Variants in LDLRAD4 observed in about 807,000 individuals in gnomAD.
LDLRAD4 encodes the protein low density lipoprotein receptor class A domain containing 4.
In LDLRAD4, 5 loss-of-function variants were observed where a neutral mutation model predicts 17.0. The ratio of observed to expected loss-of-function variants is 0.29; its 90% CI spans 0.15 to 0.62. The LOEUF (loss-of-function observed/expected upper bound fraction) is 0.62, where lower values mean the gene tolerates loss of function less well. LDLRAD4 is among the 20% of genes least tolerant of loss of function. The pLI is 0.84. For synonymous variants in LDLRAD4, 168 were observed against 171.8 expected, an observed-to-expected ratio of 0.98 and a Z score of 0.17; for missense variants, 340 against 424.7, an observed-to-expected ratio of 0.80 and a Z score of 1.75.
chr18:13,432,263 C>A (rs2090394466), intron 2 of LDLRAD4, among the ~76,000 whole-genome samples: 1 of 152,212 alleles, frequency 6.6e-6, no homozygotes, highest in East Asian at 1.9e-4. Flanking sequence ...ACTCTCAAAG[C>A]TTTATCTTCA....
At chr18:13,419,541 T>G (rs1324338521) in intron 2 of LDLRAD4, 1 of 152,188 alleles carries the variant, frequency 6.6e-6, no homozygotes, top group Non-Finnish European at 1.5e-5. Flanking sequence ...TTAATTTTAT[T>G]GTTAAAATAT....
intron 2 of LDLRAD4, among the ~76,000 whole-genome samples, chr18:13,389,983 GT>G (rs71366049): frequency 0.019 from 2,755 of 147,748 alleles, 79 homozygotes; most frequent in African/African-American, 0.068. Context: ...CCCAGCTCAC[GT>G]TTTTTTTTAT....
At chr18:13,490,986 G>T (rs2093346674) in intron 3 of LDLRAD4, among the ~76,000 whole-genome samples, 1 of 152,216 alleles carries the variant, frequency 6.6e-6, no homozygotes, top group Non-Finnish European at 1.5e-5. Context: ...TAACCTCAGA[G>T]TGAATCACTG....
rs949010112 is a variant in LDLRAD4, at chr18:13,307,757, C to T, written c.-383+29569C>T. 2.4e-4 allele frequency among the ~76,000 whole-genome samples: 37 copies of T among 152,142 alleles called. 1 individual carries two copies. Among genetic ancestry groups the T allele is most frequent in the Non-Finnish European group, 4.4e-5 (3 of 68,034 alleles). ...ATAACATTTTCTTTTCTGTAGTATACTGTATTATAAGAATACTGTAAGTAT... is the reference window on the plus strand; with the variant it reads ...ATAACATTTTCTTTTCTGTAGTATATTGTATTATAAGAATACTGTAAGTAT... On this transcript the variant is annotated intron_variant, in intron 1 of 5. Coordinates refer to ENST00000359446, the Ensembl canonical transcript of LDLRAD4.
In LDLRAD4 at chr18:13,564,719, G is replaced by C. The variant is rs139769007; in HGVS notation, c.182-56398G>C. 9.8e-3 allele frequency among the ~76,000 whole-genome samples: 1,485 copies of C among 152,220 alleles called. 25 individuals carry two copies. Among genetic ancestry groups the C allele is most frequent in the East Asian group, 0.032 (165 of 5,180 alleles). The stretch of plus-strand genomic sequence containing the variant: ...GCTGCCGCCCCCCTTCCTCCTGGCG[G>C]GGCCGTGAGTCTGGAAACCATTTCC... On this transcript the variant is annotated intron_variant, in intron 3 of 5. Transcript: ENST00000359446.
intron 3 of LDLRAD4, chr18:13,515,742 G>A (rs144903151): frequency 1.8e-4 from 28 of 152,324 alleles, no homozygotes; most frequent in African/African-American, 6.0e-4. Context: ...GATCACTACT[G>A]CTTGAGGTAT....
At chr18:13,238,396 C>T (rs769145459) in intron 1 of LDLRAD4, among the ~76,000 whole-genome samples, 6 of 152,196 alleles carry the variant, frequency 3.9e-5, no homozygotes, top group East Asian at 1.9e-4. Context: ...GCCTGTGCCA[C>T]GCAATATTTT....
chr18:13,454,669 C>T (rs145737295), intron 3 of LDLRAD4, among the ~76,000 whole-genome samples: 166 of 152,348 alleles, frequency 1.1e-3, no homozygotes, highest in African/African-American at 3.7e-3. Context: ...CAGGACATGC[C>T]TGGCCCGGGA....
intron 3 of LDLRAD4, among the ~76,000 whole-genome samples, chr18:13,565,560 G>A (rs537797853): frequency 6.6e-6 from 1 of 152,380 alleles, no homozygotes; most frequent in African/African-American, 2.4e-5. Context: ...CCGTCCTGGC[G>A]CTTGTCTTGG....
intron 3 of LDLRAD4, among the ~76,000 whole-genome samples, chr18:13,480,812 G>T (rs1019363032): frequency 6.6e-6 from 1 of 152,228 alleles, no homozygotes; most frequent in Non-Finnish European, 1.5e-5. Flanking sequence ...GATGACAAAT[G>T]TTAGAAATAA....
At chr18:13,285,320 G>A (rs2045558374) in intron 1 of LDLRAD4, among the ~76,000 whole-genome samples, 1 of 152,188 alleles carries the variant, frequency 6.6e-6, no homozygotes, top group African/African-American at 2.4e-5. Flanking sequence ...CACAAGGTGT[G>A]TGGTTCATTT....
chr18:13,455,919 G>A (rs1383836071), intron 3 of LDLRAD4, among the ~76,000 whole-genome samples: 1 of 152,158 alleles, frequency 6.6e-6, no homozygotes, highest in East Asian at 1.9e-4. Flanking sequence ...TTTACTCAGA[G>A]CCCCAGCTTC....
rs1306461258 is a variant in LDLRAD4, at chr18:13,621,099, TCTC to T, written c.182-14_182-12del. ...CTGGAGGGGCCAGGTGGCTAACCAC[TCTC>T]CTCTTCCATGGCAGCGGAGCTGGAG... is the stretch of plus-strand genomic sequence containing the variant. On this transcript the variant is annotated splice_polypyrimidine_tract_variant and intron_variant, in intron 3 of 5. Transcript: ENST00000359446. This position sits in a 1 kb window ranked among gnomAD's most constrained non-coding sequence, Gnocchi z 5.5. The T allele has an allele frequency of 2.5e-6, 4 of 1,613,910 alleles. No homozygotes were observed. In the Admixed American group the frequency reaches 5.0e-5, roughly 20 times the overall value.
intron 3 of LDLRAD4, among the ~76,000 whole-genome samples, chr18:13,599,438 G>A (rs965212743): frequency 1.3e-5 from 2 of 151,720 alleles, no homozygotes; most frequent in African/African-American, 4.8e-5. Context: ...TGTTTTCCTG[G>A]CAAGTGAGTC....
chr18:13,416,301 GT>G (rs1279524036), intron 2 of LDLRAD4, among the ~76,000 whole-genome samples: 1 of 152,212 alleles, frequency 6.6e-6, no homozygotes, highest in Non-Finnish European at 1.5e-5. Context: ...ACCTCTTCCA[GT>G]TCTTGCCCTT....
intron 1 of LDLRAD4, among the ~76,000 whole-genome samples, chr18:13,350,601 G>GT (rs1472761693): frequency 6.6e-6 from 1 of 152,124 alleles, no homozygotes; most frequent in Non-Finnish European, 1.5e-5. Context: ...TCTGATGATA[G>GT]TTTCTTTTGC....
At chr18:13,287,256 TA>T (rs2045681617) in intron 1 of LDLRAD4, among the ~76,000 whole-genome samples, 1 of 152,260 alleles carries the variant, frequency 6.6e-6, no homozygotes, top group Admixed American at 6.5e-5. Flanking sequence ...TACAGAAAGA[TA>T]CACTCAGATG....
intron 3 of LDLRAD4, among the ~76,000 whole-genome samples, chr18:13,618,132 G>A (rs1260839334): frequency 6.6e-6 from 1 of 151,122 alleles, no homozygotes; most frequent in Non-Finnish European, 1.5e-5. Flanking sequence ...TTTGTACTCT[G>A]TAACAGACAG....
intron 3 of LDLRAD4, among the ~76,000 whole-genome samples, chr18:13,554,759 CA>C (rs1264174263): frequency 8.5e-5 from 13 of 152,260 alleles, no homozygotes; most frequent in African/African-American, 3.1e-4. Flanking sequence ...CTCACGTTTT[CA>C]AATGGTAATC....
Sources: gnomAD v4.1 joint callset for allele counts (sites outside exome capture counted in the v4.1 genomes callset) on GRCh38, gnomAD v4.1.1 for gene constraint, Gnocchi (gnomAD v3.1) non-coding constraint, MANE v1.5 for transcripts, NCBI Gene and HGNC (gene_info 2026-07-23, HGNC 2026-07-21) for gene names.